The following BASP1 variants were observed in gnomAD, a reference collection of about 807,000 sequenced individuals.
BASP1 encodes the protein brain acid soluble protein 1.
A neutral mutation model predicts 2.2 loss-of-function variants in BASP1; 1 was observed. The observed-to-expected ratio is 0.46, with a 90% CI of 0.16 to 2.17. BASP1 has a LOEUF of 2.17. Among genes scored for constraint, BASP1 ranks in the 30% most tolerant of loss-of-function variants. BASP1 has a pLI of 0.27. For missense variants in BASP1, 352 were observed against 327.2 expected, an observed-to-expected ratio of 1.08 and a Z score of -0.58; for synonymous variants, 187 against 154.2, an observed-to-expected ratio of 1.21 and a Z score of -1.58.
rs184876410 is a variant in BASP1 at position 17,242,174 on chromosome 5, A to G, written c.-10+24364A>G. 2.0e-3 allele frequency among the ~76,000 whole-genome samples: 298 copies of G among 152,328 alleles called. 1 individual carries two copies. Among genetic ancestry groups the G allele is most frequent in the Non-Finnish European group, 3.0e-3 (206 of 68,036 alleles). The stretch of plus-strand genomic sequence containing the variant: ...ATAGTTTTAGCAATTACTCTCAACC[A>G]TAGTGAATGTGTAACTCCTGTTTTC... On this transcript the variant is annotated intron_variant, in intron 1 of 1. Transcript: ENST00000322611.
intron 1 of BASP1, among the ~76,000 whole-genome samples, chr5:17,229,016 A>T (rs1373022962): frequency 1.4e-5 from 2 of 147,632 alleles, no homozygotes; most frequent in Admixed American, 1.4e-4. Flanking sequence ...TATACCTATT[A>T]AAAAAAAAAC....
At chr5:17,220,075 T>G (rs1561162263) in intron 1 of BASP1, among the ~76,000 whole-genome samples, 2 of 152,298 alleles carry the variant, frequency 1.3e-5, no homozygotes, top group South Asian at 4.1e-4. Context: ...AATATGATAT[T>G]TTTTGCAGTG....
intron 1 of BASP1, among the ~76,000 whole-genome samples, chr5:17,264,733 G>C (rs1223319822): frequency 7.2e-5 from 11 of 152,130 alleles, no homozygotes; most frequent in African/African-American, 9.7e-5. Flanking sequence ...TATTTATGTT[G>C]GGTTTTGCTA....
At chr5:17,226,494 A>G (rs1052710461) in intron 1 of BASP1, among the ~76,000 whole-genome samples, 1 of 152,220 alleles carries the variant, frequency 6.6e-6, no homozygotes, top group African/African-American at 2.4e-5. Context: ...TAGTGTATCA[A>G]AAGGGGGAAA....
At chr5:17,252,560 G>A (rs1740123990) in intron 1 of BASP1, among the ~76,000 whole-genome samples, 1 of 152,194 alleles carries the variant, frequency 6.6e-6, no homozygotes, top group African/African-American at 2.4e-5. Context: ...ACCTCCTGGG[G>A]AGTTTAACCT....
intron 1 of BASP1, among the ~76,000 whole-genome samples, chr5:17,257,829 G>A (rs1414707835): frequency 6.6e-6 from 1 of 152,194 alleles, no homozygotes; most frequent in Non-Finnish European, 1.5e-5. Context: ...TCACAGGGCA[G>A]GCTATAAACC....
intron 1 of BASP1, among the ~76,000 whole-genome samples, chr5:17,263,728 T>C (rs1740365534): frequency 6.6e-6 from 1 of 152,262 alleles, no homozygotes; most frequent in Non-Finnish European, 1.5e-5. Context: ...GTATGTGTAC[T>C]TTGTTCCCTC....
chr5:17,263,882 G>A (rs529891260), intron 1 of BASP1, among the ~76,000 whole-genome samples: 1 of 152,248 alleles, frequency 6.6e-6, no homozygotes, highest in South Asian at 2.1e-4. Context: ...ACATGGGTTG[G>A]CACCTCTTAG....
At chr5:17,269,559 A>G (rs762316753) in intron 1 of BASP1, among the ~76,000 whole-genome samples, 5 of 152,226 alleles carry the variant, frequency 3.3e-5, no homozygotes, top group Non-Finnish European at 5.9e-5. Context: ...ACCGAAAAGC[A>G]GAACTTTATC....
intron 1 of BASP1, among the ~76,000 whole-genome samples, chr5:17,243,692 T>G (rs1278990109): frequency 6.6e-6 from 1 of 152,236 alleles, no homozygotes; most frequent in Non-Finnish European, 1.5e-5. Context: ...TTTTGGATTG[T>G]GTCTCACCAT....
rs755262188 is a variant in BASP1 at position 17,275,179 on chromosome 5, G to A, written c.-9-29G>A. 3.7e-6 allele frequency: 6 copies of A among 1,606,192 alleles called. No individual in the cohort carries two copies. The East Asian group carries it at 6.7e-5, about 18-fold the overall frequency. On this transcript the variant is annotated intron_variant, in intron 1 of 1. Transcript: ENST00000322611. The surrounding 1 kb of genome is among the most constrained non-coding windows in gnomAD (Gnocchi z 5.3). ...TCCCCACACTTGCCTAGTAACCGCC[G>A]TTTTGTTTTGTTTTGTGTTTGCTTC...
chr5:17,223,435 T>C (rs938490824), intron 1 of BASP1, among the ~76,000 whole-genome samples: 1 of 152,238 alleles, frequency 6.6e-6, no homozygotes, highest in Non-Finnish European at 1.5e-5. Context: ...GCTACTCATA[T>C]GTTTGTTTCA....
intron 1 of BASP1, among the ~76,000 whole-genome samples, chr5:17,218,466 A>G (rs1739314380): frequency 6.6e-6 from 1 of 152,188 alleles, no homozygotes; most frequent in Non-Finnish European, 1.5e-5. Context: ...TCCCGAGCAG[A>G]TCGGAGCCCC....
rs558326674 is a variant in BASP1 at position 17,222,801 on chromosome 5, A to G, written c.-10+4991A>G. 4.8e-4 allele frequency among the ~76,000 whole-genome samples: 73 copies of G among 152,300 alleles called. 1 individual carries two copies. The highest frequency in any genetic ancestry group is 1.6e-3 in the African/African-American group (68 of 41,568). ...GGGAAAGCTGAGATTTTTTGACTCA[A>G]CAAGGCCGTCAGTGCTGAGAGGTGG... On this transcript the variant is annotated intron_variant, in intron 1 of 1. Coordinates refer to ENST00000322611, the MANE Select transcript of BASP1 (RefSeq NM_006317.5).
chr5:17,222,835 C>G (rs1341107103), intron 1 of BASP1, among the ~76,000 whole-genome samples: 1 of 152,072 alleles, frequency 6.6e-6, no homozygotes, highest in Non-Finnish European at 1.5e-5. Context: ...GGTGATTGAG[C>G]AGGCTTGGAA....
chr5:17,238,482 G>T (rs890299893), intron 1 of BASP1, among the ~76,000 whole-genome samples: 2 of 152,166 alleles, frequency 1.3e-5, no homozygotes. Flanking sequence ...ACAGTGAGGA[G>T]AAACCTTTAG....
At chr5:17,247,814 C>T (rs1224122918) in intron 1 of BASP1, among the ~76,000 whole-genome samples, 1 of 152,188 alleles carries the variant, frequency 6.6e-6, no homozygotes, top group Non-Finnish European at 1.5e-5. Context: ...AATCAGTAGA[C>T]TTTATGAGTA....
chr5:17,270,877 A>G (rs2126520829), intron 1 of BASP1, among the ~76,000 whole-genome samples: 1 of 152,356 alleles, frequency 6.6e-6, no homozygotes, highest in South Asian at 2.1e-4. Context: ...AAGGACGATG[A>G]GATTAAATAA....
intron 1 of BASP1, among the ~76,000 whole-genome samples, chr5:17,222,458 G>C (rs1199047336): frequency 6.6e-6 from 1 of 152,218 alleles, no homozygotes; most frequent in Non-Finnish European, 1.5e-5. Context: ...CTTTGAGGCA[G>C]ACGTCTAGGT....
Sources: allele counts gnomAD v4.1 joint callset (sites outside exome capture counted in the v4.1 genomes callset), GRCh38; gene constraint gnomAD v4.1.1; non-coding constraint Gnocchi (gnomAD v3.1); transcripts MANE v1.5; gene names NCBI Gene and HGNC (gene_info 2026-07-23, HGNC 2026-07-21).